Variants in DMXL2 observed in about 807,000 individuals in gnomAD.
DMXL2 encodes the protein Dmx like 2.
DMXL2 carries 103 observed loss-of-function variants against 331.1 expected under a neutral mutation model. The ratio of observed to expected loss-of-function variants is 0.31; its 90% confidence interval spans 0.27 to 0.37. The LOEUF (loss-of-function observed/expected upper bound fraction) is 0.37. Among genes scored for constraint, DMXL2 ranks in the 10% least tolerant of loss-of-function variants. The pLI is 1.00. For synonymous variants in DMXL2, 1,281 were observed against 1,252.1 expected (o/e 1.02, Z -0.49); for missense variants, 3,171 against 3,642.9 (o/e 0.87, Z 3.33).
chr15:51,455,925 G>T, intron 39 of DMXL2, 141 bp downstream of exon 39: 2 of 924,000 alleles, frequency 2.2e-6, no homozygotes, highest in Non-Finnish European at 3.3e-6. Flanking sequence ...AAAAGAGAGT[G>T]TATGAATAGA....
At position 51,486,085 on chromosome 15, in the gene DMXL2, C is replaced by T; in HGVS notation, c.5470G>A (p.Asp1824Asn). Residue 1824 changes from aspartate to asparagine, a missense_variant, in exon 23 of 44, where the codon GAT becomes AAT. This residue lies in a region of DMXL2 where 244 missense variants were observed against 251.4 expected (regional missense o/e 0.97). Transcript: ENST00000560891. ...TLLEQTPKED[D>N]EHQVIIKSCN... is the part of the protein sequence containing the mutation. Reference sequence around the variant, plus strand: ...CAAAACGTCCTACCTTGATGTTCATCATCCTCCTTTGGTGTTTGTTCCAGT... The same window carrying T: ...CAAAACGTCCTACCTTGATGTTCATTATCCTCCTTTGGTGTTTGTTCCAGT... 3 of 1,597,082 alleles carry T rather than the reference C, an allele frequency of 1.9e-6. No individual in the cohort carries two copies. Among genetic ancestry groups the T allele is most frequent in the South Asian group, 2.3e-5 (2 of 88,562 alleles).
intron 13 of DMXL2, among the ~76,000 whole-genome samples, chr15:51,518,839 T>C (rs2047182141): frequency 6.6e-6 from 1 of 152,150 alleles, no homozygotes. Context: ...AATTCCAGAA[T>C]TCTACAGAAT....
intron 10 of DMXL2, 45 bp from the exon 11 acceptor site, chr15:51,537,804 A>T (rs375380706): frequency 2.8e-5 from 44 of 1,552,820 alleles, no homozygotes; most frequent in Non-Finnish European, 3.6e-5. Flanking sequence ...TAAATAATTC[A>T]TTTACATACT....
chr15:51,522,940 A>G (rs1347452464), intron 13 of DMXL2, among the ~76,000 whole-genome samples: 1 of 152,144 alleles, frequency 6.6e-6, no homozygotes, highest in African/African-American at 2.4e-5. Context: ...TGCTATCTCC[A>G]TGCTTCCAGT....
At chr15:51,604,540 A>C (rs1448739130) in intron 1 of DMXL2, among the ~76,000 whole-genome samples, 1 of 152,218 alleles carries the variant, frequency 6.6e-6, no homozygotes, top group Non-Finnish European at 1.5e-5. Context: ...TGAAAAATTA[A>C]ATACTTCTAA....
intron 19 of DMXL2, among the ~76,000 whole-genome samples, chr15:51,492,960 A>G (rs986682605): frequency 6.6e-6 from 1 of 152,196 alleles, no homozygotes; most frequent in Non-Finnish European, 1.5e-5. Flanking sequence ...TAGAAAGTAT[A>G]AAATAAAAAC....
At chr15:51,615,485 C>T (rs1040198700) in intron 1 of DMXL2, among the ~76,000 whole-genome samples, 4 of 152,102 alleles carry the variant, frequency 2.6e-5, no homozygotes, top group Admixed American at 6.6e-5. Flanking sequence ...CACTGTAGGA[C>T]GTTTTATCTA....
At chr15:51,575,395 C>T (rs1225258320) in intron 2 of DMXL2, among the ~76,000 whole-genome samples, 3 of 152,110 alleles carry the variant, frequency 2.0e-5, no homozygotes, top group African/African-American at 2.4e-5. Context: ...CTCGTAGAGA[C>T]ATTCAACTCG....
Position 51,508,658 on chromosome 15 carries a change from A to C in DMXL2, c.2645-1405T>G, listed in dbSNP as rs75833159. Among the ~76,000 whole-genome samples the C allele has an allele frequency of 9.5e-3, 1,453 of 152,300 alleles. 18 individuals carry two copies. The highest frequency in any genetic ancestry group is 0.033 in the African/African-American group (1,382 of 41,546). ...ATATTGATACTTAAAAGACAAAGAA[A>C]TCCAACAACAACAATAAATTCAACA... On this transcript the variant is annotated intron_variant, in intron 15 of 43. Coordinates refer to ENST00000560891, the MANE Select transcript of DMXL2 (RefSeq NM_001378457.1).
intron 19 of DMXL2, among the ~76,000 whole-genome samples, 159 bp downstream of exon 19, chr15:51,494,865 G>GA (rs1488239808): frequency 6.6e-6 from 1 of 152,122 alleles, no homozygotes; most frequent in Non-Finnish European, 1.5e-5. Context: ...AGGATACATA[G>GA]AAAAATGGTA....
chr15:51,560,906 G>C (rs1350780618), intron 6 of DMXL2, among the ~76,000 whole-genome samples: 1 of 150,924 alleles, frequency 6.6e-6, no homozygotes, highest in Non-Finnish European at 1.5e-5. Context: ...TGAGGAGTAG[G>C]GTACATGTGT....
intron 3 of DMXL2, chr15:51,567,675 G>A (rs1354226536): frequency 4.6e-5 from 7 of 152,270 alleles, no homozygotes. Flanking sequence ...AATGTGGCCA[G>A]AGTAGAACCA....
intron 6 of DMXL2, among the ~76,000 whole-genome samples, chr15:51,550,305 C>T (rs1446249012): frequency 6.6e-6 from 1 of 152,118 alleles, no homozygotes; most frequent in Non-Finnish European, 1.5e-5. Context: ...CATCCTAGCC[C>T]TTGCAAAACC....
At chr15:51,592,905 C>T (rs533247100) in intron 1 of DMXL2, among the ~76,000 whole-genome samples, 78 of 152,272 alleles carry the variant, frequency 5.1e-4, no homozygotes, top group African/African-American at 1.8e-3. Flanking sequence ...AAAAGAGCTC[C>T]TGAAGGAAGC....
chr15:51,589,744 G>C (rs1317915975), intron 1 of DMXL2, among the ~76,000 whole-genome samples: 1 of 152,108 alleles, frequency 6.6e-6, no homozygotes, highest in Non-Finnish European at 1.5e-5. Context: ...CTAGAGTATG[G>C]TACAGCATCA....
chr15:51,580,292 C>T (rs745730386), intron 1 of DMXL2, among the ~76,000 whole-genome samples: 2 of 152,112 alleles, frequency 1.3e-5, no homozygotes, highest in Non-Finnish European at 2.9e-5. Context: ...GTTAAGACTA[C>T]AAGCAAATAC....
intron 1 of DMXL2, among the ~76,000 whole-genome samples, chr15:51,602,033 T>C (rs1041472886): frequency 7.2e-5 from 11 of 152,106 alleles, no homozygotes; most frequent in African/African-American, 2.7e-4. Flanking sequence ...ACCACAGTGA[T>C]GTCTCTCCCA....
chr15:51,497,740 A>AT (rs1166382532), intron 18 of DMXL2, among the ~76,000 whole-genome samples: 1 of 152,226 alleles, frequency 6.6e-6, no homozygotes, highest in Non-Finnish European at 1.5e-5. Flanking sequence ...TACGTATGAC[A>AT]TTAACTGTAT....
At chr15:51,535,054 C>T (rs1335883257) in intron 13 of DMXL2, among the ~76,000 whole-genome samples, 3 of 152,110 alleles carry the variant, frequency 2.0e-5, no homozygotes, top group African/African-American at 7.2e-5. Flanking sequence ...ATTTTGTATT[C>T]CCTCTACATC....
Sources: gnomAD v4.1 joint callset for allele counts (sites outside exome capture counted in the v4.1 genomes callset) on GRCh38, gnomAD v4.1.1 for gene constraint, gnomAD v4.1.1 regional missense constraint, MANE v1.5 for transcripts, NCBI Gene and HGNC (gene_info 2026-07-23, HGNC 2026-07-21) for gene names.